Variants in DDX60 observed in about 807,000 individuals in gnomAD.
The protein encoded by DDX60 is DExD/H-box helicase 60, also known as probable ATP-dependent RNA helicase DDX60.
In DDX60, 165 loss-of-function variants were observed where a neutral mutation model predicts 212.8. The ratio of observed to expected loss-of-function variants is 0.78; its 90% CI spans 0.68 to 0.88. The LOEUF (loss-of-function observed/expected upper bound fraction) is 0.88. Among genes scored for constraint, DDX60 ranks in the 40% least tolerant of loss-of-function variants. The pLI is 0.00. For missense variants in DDX60, 1,905 were observed against 2,003.9 expected (o/e 0.95, Z 0.94); for synonymous variants, 703 against 685.3 (o/e 1.03, Z -0.40).
chr4:168,305,685 C>T (rs184942681), intron 5 of DDX60, among the ~76,000 whole-genome samples: 1 of 149,504 alleles, frequency 6.7e-6, no homozygotes, highest in African/African-American at 2.4e-5. Flanking sequence ...ATAAATATAT[C>T]CGTATGCATA....
At chr4:168,269,734 C>T (rs533662431) in intron 19 of DDX60, among the ~76,000 whole-genome samples, 5 of 152,212 alleles carry the variant, frequency 3.3e-5, no homozygotes, top group South Asian at 2.1e-4. Flanking sequence ...ATCATTTGGC[C>T]GCTGCTGCCT....
the DDX60 span, among the ~76,000 whole-genome samples, chr4:168,324,913 G>A: frequency 6.6e-6 from 1 of 152,206 alleles, no homozygotes; most frequent in Non-Finnish European, 1.5e-5. Context: ...GGCTGCTGAG[G>A]TATATCCACG....
At position 168,293,915 on chromosome 4, in the gene DDX60, C is replaced by G. The variant is rs1412249873; in HGVS notation, c.754G>C (p.Val252Leu). ...AHKTVSLLTQ[V>L]WPEGSDIRRV... ...CGAATGTCAGATCCTTCTGGCCAGACTTGTGTAAGCAGAGATACAGTCTTG... is the reference window on the plus strand; with the variant it reads ...CGAATGTCAGATCCTTCTGGCCAGAGTTGTGTAAGCAGAGATACAGTCTTG... Residue 252 changes from valine to leucine, a missense_variant, in exon 7 of 38, where the codon GTC (valine) becomes CTC (leucine). Coordinates refer to ENST00000393743, the MANE Select transcript of DDX60 (RefSeq NM_017631.6). 1 of 1,613,484 alleles carries G rather than the reference C, an allele frequency of 6.2e-7. No individual in the cohort carries two copies. Among genetic ancestry groups the G allele is most frequent in the Admixed American group, 1.7e-5 (1 of 59,864 alleles).
chr4:168,295,205 T>C (rs931518246), intron 6 of DDX60, among the ~76,000 whole-genome samples: 1 of 152,172 alleles, frequency 6.6e-6, no homozygotes, highest in African/African-American at 2.4e-5. Flanking sequence ...AGAACTATCA[T>C]AGGACCCAGT....
chr4:168,238,260 C>A (rs1415047517), intron 30 of DDX60, among the ~76,000 whole-genome samples: 11 of 95,742 alleles, frequency 1.1e-4, no homozygotes, highest in South Asian at 7.5e-4. Context: ...AAAAAAAAAA[C>A]CCAGCATCAC....
intron 32 of DDX60, among the ~76,000 whole-genome samples, chr4:168,236,592 C>A (rs570816623): frequency 3.3e-5 from 5 of 152,000 alleles, no homozygotes; most frequent in Non-Finnish European, 7.4e-5. Context: ...AATGATCCCA[C>A]ACAAATTGCC....
intron 35 of DDX60, 77 bp downstream of exon 35, chr4:168,224,166 T>A (rs1733164217): frequency 6.5e-7 from 1 of 1,526,900 alleles, no homozygotes; most frequent in African/African-American, 1.4e-5. Flanking sequence ...AATTCGAAGT[T>A]CTTTCTAAGC....
rs750591180 is a variant in DDX60, at chr4:168,308,038, T to C, written c.232A>G (p.Lys78Glu). Residue 78 changes from lysine to glutamate, a missense_variant, in exon 4 of 38, where the codon AAA becomes GAA. Transcript: ENST00000393743. ...AAAACTATGGTGAATTGTCCTCCTT[T>C]GCTAATAAGATCCACAAGATAGCGT... is the stretch of plus-strand genomic sequence containing the variant. ...VERYLVDLIS[K>E]GGQFTIVFFK... 1 of 1,603,916 alleles carries C rather than the reference T, an allele frequency of 6.2e-7. No homozygotes were observed. Among genetic ancestry groups the C allele is most frequent in the Non-Finnish European group, 8.5e-7 (1 of 1,178,084 alleles).
chr4:168,272,159 T>C (rs1367613531), intron 18 of DDX60, 21 bp from the exon 19 acceptor site: 1 of 1,544,116 alleles, frequency 6.5e-7, no homozygotes, highest in Non-Finnish European at 8.8e-7. Context: ...TAATATTGTG[T>C]GAAGTAACAT....
chr4:168,306,614 GA>G lies in DDX60; in HGVS notation c.370del (p.Ser124ArgfsTer20), dbSNP rs765534927. The G allele has an allele frequency of 1.5e-5, 24 of 1,613,954 alleles. No individual in the cohort carries two copies. The highest frequency in any genetic ancestry group is 2.0e-5 in the Non-Finnish European group (24 of 1,179,966). ...NTTIDVRTTFSRCLSKEWGSF... is the reference protein window; with the variant it reads ...NTTIDVRTTFXRCLSKEWGSF... ...TCCCCACTCTTTTGATAAGCATCTC[GA>G]AAATGTTGTTCGAACATCAATGGTG... On this transcript the variant is annotated frameshift_variant, in exon 5 of 38. Transcript: ENST00000393743. LOFTEE classifies it high-confidence loss of function.
chr4:168,308,591 T>C (rs1394886732), intron 3 of DDX60, among the ~76,000 whole-genome samples: 1 of 151,510 alleles, frequency 6.6e-6, no homozygotes, highest in Non-Finnish European at 1.5e-5. Context: ...TTCACTGTCA[T>C]ATAGCTCTAA....
At chr4:168,297,165 T>C (rs949297855) in intron 6 of DDX60, among the ~76,000 whole-genome samples, 2 of 151,456 alleles carry the variant, frequency 1.3e-5, no homozygotes, top group Non-Finnish European at 2.9e-5. Flanking sequence ...TACCTTGGCC[T>C]CCCAAAGTGC....
intron 15 of DDX60, among the ~76,000 whole-genome samples, 184 bp from the exon 16 acceptor site, chr4:168,275,687 G>A (rs528651459): frequency 2.0e-5 from 3 of 152,054 alleles, no homozygotes; most frequent in Admixed American, 6.5e-5. Context: ...TCAAATATAC[G>A]TCATGATATT....
In DDX60 at chr4:168,275,517, A is replaced by G; in HGVS notation, c.2146-14T>C. The G allele has an allele frequency of 1.9e-6, 3 of 1,575,046 alleles. No homozygotes were observed. The highest frequency in any genetic ancestry group is 2.6e-6 in the Non-Finnish European group (3 of 1,159,620). On this transcript the variant is annotated splice_polypyrimidine_tract_variant and intron_variant, in intron 15 of 37. Transcript: ENST00000393743. ...ATTTTCTGCATCCTGCATTATTTTA[A>G]AAGTCCATTTTGAAAATGACATTGA...
chr4:168,277,907 C>T (rs1356271909), intron 14 of DDX60, among the ~76,000 whole-genome samples: 3 of 151,838 alleles, frequency 2.0e-5, no homozygotes, highest in East Asian at 1.9e-4. Flanking sequence ...GATGAAATCT[C>T]GCACCATCTC....
intron 30 of DDX60, among the ~76,000 whole-genome samples, chr4:168,241,984 C>T (rs2149499335): frequency 6.6e-6 from 1 of 152,192 alleles, no homozygotes; most frequent in East Asian, 1.9e-4. Flanking sequence ...TGGTGCCTTG[C>T]ATCCCAGCTG....
intron 22 of DDX60, chr4:168,265,655 TC>T (rs1734809152): frequency 6.6e-6 from 1 of 152,162 alleles, no homozygotes; most frequent in South Asian, 2.1e-4. Context: ...AATGACAATT[TC>T]AGCAAGTACT....
At chr4:168,274,181 T>C in intron 16 of DDX60, 98 bp from the exon 17 acceptor site, 2 of 1,446,364 alleles carry the variant, frequency 1.4e-6, no homozygotes, top group Non-Finnish European at 1.9e-6. Flanking sequence ...TTTCTGAACC[T>C]CAAAGGATCT....
chr4:168,293,333 G>A (rs1736189350), intron 7 of DDX60, among the ~76,000 whole-genome samples: 1 of 152,184 alleles, frequency 6.6e-6, no homozygotes, highest in Non-Finnish European at 1.5e-5. Flanking sequence ...AGATGGACCG[G>A]AGTTCAATCC....
Sources: gnomAD v4.1 joint callset for allele counts (sites outside exome capture counted in the v4.1 genomes callset) on GRCh38, gnomAD v4.1.1 for gene constraint, MANE v1.5 for transcripts, NCBI Gene and HGNC (gene_info 2026-07-23, HGNC 2026-07-21) for gene names.